The following GPHN variants were observed in gnomAD, a reference collection of about 807,000 sequenced individuals.
GPHN encodes gephyrin.
In GPHN, 17 loss-of-function variants were observed where a neutral mutation model predicts 95.5. The ratio of observed to expected loss-of-function variants is 0.18; its 90% CI spans 0.12 to 0.27. The LOEUF (loss-of-function observed/expected upper bound fraction) is 0.27, where lower values mean the gene tolerates loss of function less well. Ranked by LOEUF, GPHN falls within the 10% of genes least tolerant of loss-of-function variation. The probability of loss-of-function intolerance (pLI) is 1.00; values close to 1 mark genes in which losing one functional copy is unlikely to be tolerated. For missense variants in GPHN, 660 were observed against 978.1 expected (o/e 0.67, Z 4.34); for synonymous variants, 320 against 322.5 (o/e 0.99, Z 0.08).
the GPHN span, among the ~76,000 whole-genome samples, chr14:67,314,208 A>C: frequency 6.6e-6 from 1 of 152,156 alleles, no homozygotes; most frequent in East Asian, 1.9e-4. Context: ...AGGGCATGAA[A>C]AAAAAGACTG....
At chr14:67,043,481 A>G (rs910453592) in intron 10 of GPHN, among the ~76,000 whole-genome samples, 2 of 152,080 alleles carry the variant, frequency 1.3e-5, no homozygotes, top group Non-Finnish European at 2.9e-5. Flanking sequence ...TGCATCTATT[A>G]AGATAATCGT....
At chr14:67,122,632 A>C (rs1481138311) in intron 17 of GPHN, among the ~76,000 whole-genome samples, 3 of 152,202 alleles carry the variant, frequency 2.0e-5, no homozygotes, top group African/African-American at 4.8e-5. Flanking sequence ...TTTTTGTAAT[A>C]GTTTTGGTTT....
At chr14:67,381,683 C>T in the GPHN span, 12 of 1,610,574 alleles carry the variant, frequency 7.5e-6, no homozygotes, top group South Asian at 1.3e-4. Context: ...GAAAACATGC[C>T]CATTAAGGTG....
chr14:66,639,070 C>T (rs996534881), intron 1 of GPHN, among the ~76,000 whole-genome samples: 1 of 150,402 alleles, frequency 6.6e-6, no homozygotes, highest in Non-Finnish European at 1.5e-5. Flanking sequence ...TTTATGATTT[C>T]GTGCTCAGAT....
chr14:66,841,329 GGA>G (rs1345528680), intron 4 of GPHN, among the ~76,000 whole-genome samples: 1 of 152,030 alleles, frequency 6.6e-6, no homozygotes, highest in South Asian at 2.1e-4. Context: ...ACCTAAAGGA[GGA>G]GAGAGAGGAA....
At chr14:66,943,824 T>C (rs1215583381) in intron 8 of GPHN, among the ~76,000 whole-genome samples, 1 of 152,184 alleles carries the variant, frequency 6.6e-6, no homozygotes, top group African/African-American at 2.4e-5. Context: ...CCTAATTGGA[T>C]TATTGGATAT....
At chr14:67,642,340 TG>T in the GPHN span, 13 of 1,613,842 alleles carry the variant, frequency 8.1e-6, no homozygotes. Context: ...GCTACAGCTG[TG>T]TCACACTGGG....
the GPHN span, among the ~76,000 whole-genome samples, chr14:67,429,804 A>G: frequency 1.3e-5 from 2 of 152,174 alleles, no homozygotes; most frequent in African/African-American, 2.4e-5. Context: ...GTTTTACCGC[A>G]TGCCAGATAC....
chr14:67,325,982 T>TTC, the GPHN span, among the ~76,000 whole-genome samples: 1 of 144,060 alleles, frequency 6.9e-6, no homozygotes, highest in African/African-American at 2.6e-5. Context: ...CTCTTTTCTT[T>TTC]TTTTTTTTTT....
chr14:66,977,693 A>G (rs1432591352), intron 9 of GPHN, among the ~76,000 whole-genome samples: 2 of 152,222 alleles, frequency 1.3e-5, no homozygotes, highest in Admixed American at 1.3e-4. Context: ...ACTACAATGT[A>G]TAGTTTAAAA....
At chr14:66,704,870 C>G (rs1021633648) in intron 2 of GPHN, among the ~76,000 whole-genome samples, 1 of 152,084 alleles carries the variant, frequency 6.6e-6, no homozygotes, top group Non-Finnish European at 1.5e-5. Context: ...ATCAGTTAAT[C>G]CAGGAGCTGG....
chr14:67,336,439 T>G, the GPHN span: 1 of 207,780 alleles, frequency 4.8e-6, no homozygotes, highest in African/African-American at 2.3e-5. Context: ...ATCTGCACTT[T>G]TGTAAGTATT....
intron 1 of GPHN, among the ~76,000 whole-genome samples, chr14:66,552,352 A>G (rs1027838418): frequency 6.6e-6 from 1 of 151,686 alleles, no homozygotes; most frequent in South Asian, 2.1e-4. Context: ...GCATTTACTC[A>G]CTCCCCTAGT....
chr14:67,281,394 T>C, the GPHN span, among the ~76,000 whole-genome samples: 1 of 152,214 alleles, frequency 6.6e-6, no homozygotes, highest in South Asian at 2.1e-4. Flanking sequence ...ATTACATTTT[T>C]TTAATACCTT....
chr14:67,316,494 C>G, the GPHN span, among the ~76,000 whole-genome samples: 1 of 152,108 alleles, frequency 6.6e-6, no homozygotes, highest in Non-Finnish European at 1.5e-5. Flanking sequence ...TGAGATAATT[C>G]TAAAGGACCT....
intron 4 of GPHN, among the ~76,000 whole-genome samples, chr14:66,873,830 A>G (rs918997981): frequency 6.6e-6 from 1 of 152,178 alleles, no homozygotes; most frequent in Non-Finnish European, 1.5e-5. Flanking sequence ...ATGTGGGCGC[A>G]TACTTAAACT....
intron 1 of GPHN, among the ~76,000 whole-genome samples, chr14:66,679,702 G>A (rs1425205252): frequency 6.6e-6 from 1 of 152,126 alleles, no homozygotes; most frequent in African/African-American, 2.4e-5. Flanking sequence ...GTGCTTTGCT[G>A]TATTCAGTCA....
chr14:67,392,291 T>G, the GPHN span: 4 of 1,328,594 alleles, frequency 3.0e-6, no homozygotes, highest in Admixed American at 6.7e-5. Context: ...GCTTGAGAAC[T>G]GTCCATCTCT....
chr14:67,418,430 CCT>C, the GPHN span, among the ~76,000 whole-genome samples: 2 of 152,286 alleles, frequency 1.3e-5, no homozygotes, highest in African/African-American at 4.8e-5. Context: ...TCCCCTATCC[CCT>C]GTGATAGAAT....
Sources: gnomAD v4.1 joint callset for allele counts (sites outside exome capture counted in the v4.1 genomes callset) on GRCh38, gnomAD v4.1.1 for gene constraint, MANE v1.5 for transcripts, NCBI Gene and HGNC (gene_info 2026-07-23, HGNC 2026-07-21) for gene names.